Variants in PRPF40B observed in about 807,000 individuals in gnomAD.
The protein encoded by PRPF40B is pre-mRNA processing factor 40B.
A neutral mutation model predicts 124.5 loss-of-function variants in PRPF40B; 56 were observed. The ratio of observed to expected loss-of-function variants is 0.45; its 90% confidence interval spans 0.36 to 0.56. PRPF40B has a LOEUF of 0.56. Ranked by LOEUF, PRPF40B falls within the 20% of genes least tolerant of loss-of-function variation. PRPF40B has a pLI of 0.00. For missense variants in PRPF40B, 1,053 were observed against 1,169.5 expected (o/e 0.90, Z 1.45); for synonymous variants, 443 against 426.4 (o/e 1.04, Z -0.48).
chr12:49,641,912 G>A lies in PRPF40B; in HGVS notation c.1772G>A (p.Arg591Gln), dbSNP rs115713495. 45 of 1,612,976 alleles carry A rather than the reference G, an allele frequency of 2.8e-5. No individual in the cohort carries two copies. The highest frequency in any genetic ancestry group is 1.8e-4 in the Middle Eastern group (1 of 5,426). Residue 591 changes from arginine to glutamine, a missense_variant, in exon 19 of 26, where the codon CGG (arginine) becomes CAG (glutamine). This residue lies in a region of PRPF40B where 895 missense variants were observed against 1,052.2 expected (regional missense o/e 0.85). Transcript: ENST00000548825. ...KKIIKDILKD[R>Q]GFCVEVNTAF... ...CATGCACTGCTGTACCCACAGGACC[G>A]GGGCTTCTGCGTGGAGGTGAACACG... is the stretch of plus-strand genomic sequence containing the variant.
Position 49,631,340 on chromosome 12 carries a change from C to T in PRPF40B, c.85-61C>T. 1.6e-6 allele frequency: 2 copies of T among 1,286,150 alleles called. No individual in the cohort carries two copies. Among genetic ancestry groups the T allele is most frequent in the South Asian group, 1.7e-5 (1 of 59,138 alleles). 79.7% of individuals were successfully genotyped at this position (1,286,150 alleles called of 1,614,324 possible). ...TGGTGGATATTTCCTGACAGGTCCT[C>T]TCTACCTCTGACAAGGCGATGTCTT... On this transcript the variant is annotated intron_variant, in intron 2 of 25. Transcript: ENST00000548825. This position sits in a 1 kb window ranked among gnomAD's most constrained non-coding sequence, Gnocchi z 4.3.
Position 49,642,237 on chromosome 12 carries a change from G to A in PRPF40B, c.1887G>A (p.Leu629=), listed in dbSNP as rs762317876. The change falls in exon 20 of 26, where the codon CTG becomes CTA. Residue 629 remains leucine, a splice_region_variant and synonymous_variant. Coordinates refer to ENST00000548825, the MANE Select transcript of PRPF40B (RefSeq NM_001031698.3). This position sits in a 1 kb window ranked among gnomAD's most constrained non-coding sequence, Gnocchi z 5.8. The part of the protein sequence containing the change: ...AGNIKLTFNS[L]LEKAEARERE... ...TTCCGTGTCCCTTCTTTCCTCAGCT[G>A]CTGGAGAAAGCAGAGGCACGGGAGA... is the stretch of plus-strand genomic sequence containing the variant. The A allele has an allele frequency of 6.2e-7, 1 of 1,614,154 alleles. No homozygotes were observed. The highest frequency in any genetic ancestry group is 2.2e-5 in the East Asian group (1 of 44,880).
upstream of PRPF40B, chr12:49,623,437 T>A: frequency 1.3e-6 from 1 of 754,916 alleles, no homozygotes; most frequent in Non-Finnish European, 1.8e-6. Context: ...CCGGGCCGGT[T>A]GGGGCCCCGC....
At chr12:49,636,414 T>G in intron 15 of PRPF40B, 1 of 448,280 alleles carries the variant, frequency 2.2e-6, no homozygotes, top group Non-Finnish European at 4.0e-6. Flanking sequence ...GCCTGATTGA[T>G]TCCCAGTTCC....
rs369038774 is a variant in PRPF40B at position 49,631,843 on chromosome 12, C to G, written c.229-17C>G. 42 of 1,612,600 alleles carry G rather than the reference C, an allele frequency of 2.6e-5. No individual in the cohort carries two copies. Among genetic ancestry groups the G allele is most frequent in the Non-Finnish European group, 3.5e-5 (41 of 1,178,870 alleles). On this transcript the variant is annotated splice_polypyrimidine_tract_variant and intron_variant, in intron 3 of 25. Transcript: ENST00000548825. The surrounding 1 kb of genome is among the most constrained non-coding windows in gnomAD (Gnocchi z 4.3). ...CCTTACCTTGGTGGTTGGTTTCTGTCTTCTTTGTATCCATAGATACCAGGA... is the reference window on the plus strand; with the variant it reads ...CCTTACCTTGGTGGTTGGTTTCTGTGTTCTTTGTATCCATAGATACCAGGA...
At position 49,637,236 on chromosome 12, in the gene PRPF40B, C is replaced by T. The variant is rs878880900; in HGVS notation, c.1561-234C>T. On this transcript the variant is annotated intron_variant, in intron 16 of 25. Transcript: ENST00000548825. Reference sequence around the variant, plus strand: ...GGCAGGTTTCTGTTTCTTTGCATCCCGGGACTGGCTTGTTCTCACCTTTTT... The same window carrying T: ...GGCAGGTTTCTGTTTCTTTGCATCCTGGGACTGGCTTGTTCTCACCTTTTT... The T allele has an allele frequency of 2.4e-5, 14 of 577,126 alleles. No individual in the cohort carries two copies. In the East Asian group the frequency reaches 2.6e-4, roughly 11 times the overall value. 35.8% of individuals were successfully genotyped at this position (577,126 alleles called of 1,614,324 possible). A position where few individuals can be genotyped will look rare whatever the true frequency, so the allele number is the denominator to read the frequency against.
rs1941177949 is a variant in PRPF40B, at chr12:49,631,081, C to T, written c.85-320C>T. ...CCTTCTGCCCCTTCATCTGAGAGGC[C>T]TCTTTGGGGGAGAATTGCTGAAGAG... On this transcript the variant is annotated intron_variant, in intron 2 of 25. Coordinates refer to ENST00000548825, the MANE Select transcript of PRPF40B (RefSeq NM_001031698.3). The surrounding 1 kb of genome is among the most constrained non-coding windows in gnomAD (Gnocchi z 4.3). Among the ~76,000 whole-genome samples, 1 of 152,144 alleles carries T rather than the reference C, an allele frequency of 6.6e-6. No individual in the cohort carries two copies. Among genetic ancestry groups the T allele is most frequent in the Non-Finnish European group, 1.5e-5 (1 of 68,030 alleles).
At chr12:49,643,185 G>T (rs773059866) in intron 22 of PRPF40B, 38 bp from the exon 23 acceptor site, 1 of 1,610,968 alleles carries the variant, frequency 6.2e-7, no homozygotes, top group South Asian at 1.1e-5. Flanking sequence ...GGAGGGCAGA[G>T]AACCTCTGCA....
At chr12:49,633,334 C>G in intron 7 of PRPF40B, 93 bp from the exon 8 acceptor site, 1 of 1,540,202 alleles carries the variant, frequency 6.5e-7, no homozygotes, top group Non-Finnish European at 8.8e-7. Context: ...CTAAAGGTTC[C>G]TGTGTCCTCT....
intron 23 of PRPF40B, 32 bp downstream of exon 23, chr12:49,643,429 GA>G: frequency 6.5e-7 from 1 of 1,530,850 alleles, no homozygotes; most frequent in Non-Finnish European, 8.8e-7. Context: ...AGAAGCTGGA[GA>G]ACTGTTGTCC....
At position 49,635,965 on chromosome 12, in the gene PRPF40B, C is replaced by T. The variant is rs372140291; in HGVS notation, c.1398C>T (p.Pro466=). ...CCCAGCAGTACCTCATGGATAACCC[C>T]AGCTTTGCTCAGGACCATCAGCTGC... ...SQAQQYLMDN[P]SFAQDHQLQN... Residue 466 remains proline, a synonymous_variant, in exon 15 of 26, where the codon CCC becomes CCT. Transcript: ENST00000548825. The surrounding 1 kb of genome is among the most constrained non-coding windows in gnomAD (Gnocchi z 4.1). 9 of 1,614,140 alleles carry T rather than the reference C, an allele frequency of 5.6e-6. No individual in the cohort carries two copies. Among genetic ancestry groups the T allele is most frequent in the Non-Finnish European group, 7.6e-6 (9 of 1,180,000 alleles).
At position 49,631,667 on chromosome 12, in the gene PRPF40B, G is replaced by A. The variant is rs1010385935; in HGVS notation, c.228+123G>A. ...GAAGGGAGCTTTGGGCCAAACCCAT[G>A]TGGATTTGTCTGCTGAATGACTGAG... On this transcript the variant is annotated intron_variant, in intron 3 of 25. Coordinates refer to ENST00000548825, the MANE Select transcript of PRPF40B (RefSeq NM_001031698.3). The surrounding 1 kb of genome is among the most constrained non-coding windows in gnomAD (Gnocchi z 4.3). 3.0e-6 allele frequency: 4 copies of A among 1,348,440 alleles called. No homozygotes were observed. The highest frequency in any genetic ancestry group is 4.2e-6 in the Non-Finnish European group (4 of 962,282). 83.5% of individuals were successfully genotyped at this position (1,348,440 alleles called of 1,614,324 possible).
Position 49,637,601 on chromosome 12 carries a change from C to T in PRPF40B, c.1675+17C>T, listed in dbSNP as rs1203403568. 3 of 1,607,158 alleles carry T rather than the reference C, an allele frequency of 1.9e-6. No individual in the cohort carries two copies. The highest frequency in any genetic ancestry group is 4.5e-5 in the East Asian group (2 of 44,866). ...GCCAGCCGGGTAAGGCAGCCAGGCT[C>T]CCCCTTCTCTGGCCTGGCTTCCTGC... is the stretch of plus-strand genomic sequence containing the variant. On this transcript the variant is annotated intron_variant, in intron 17 of 25. Transcript: ENST00000548825.
At chr12:49,632,429 C>T in intron 4 of PRPF40B, 167 bp from the exon 5 acceptor site, 2 of 716,874 alleles carry the variant, frequency 2.8e-6, no homozygotes, top group Non-Finnish European at 2.4e-6. Flanking sequence ...CCCTTGGGAT[C>T]CCAGAGCTAT....
chr12:49,643,354 C>A lies in PRPF40B; in HGVS notation c.2337C>A (p.Ala779=). Residue 779 remains alanine, a synonymous_variant, in exon 23 of 26, where the codon GCC becomes GCA. Coordinates refer to ENST00000548825, the MANE Select transcript of PRPF40B (RefSeq NM_001031698.3). ...SLDSVESGGA[A]LGGRGSPSSH... is the part of the protein sequence containing the mutation. ...ATTCAGTTGAAAGTGGGGGTGCTGC[C>A]CTTGGAGGACGGGGCTCCCCTTCCT... The A allele has an allele frequency of 6.3e-7, 1 of 1,594,540 alleles. No homozygotes were observed. Among genetic ancestry groups the A allele is most frequent in the Non-Finnish European group, 8.5e-7 (1 of 1,170,740 alleles).
upstream of PRPF40B, chr12:49,623,429 G>A (rs1481755082): frequency 2.0e-4 from 117 of 598,172 alleles, no homozygotes; most frequent in African/African-American, 3.9e-5. Context: ...CGAACACACC[G>A]GGCCGGTTGG....
intron 15 of PRPF40B, 30 bp from the exon 16 acceptor site, chr12:49,636,675 CTGCTGGGACAA>C (rs748093490): frequency 6.8e-6 from 11 of 1,611,598 alleles, no homozygotes; most frequent in Non-Finnish European, 8.5e-6. Context: ...AGAGGGTATC[CTGCTGGGACAA>C]TGCCCGCGGA....
chr12:49,632,997 C>CGGGG lies in PRPF40B; in HGVS notation c.349-17_349-16insGGGG. ...AAGGGGCCTTGACCACCATTCTGTG[C>CGGGG]CCCCCCCCCCACCCAGAGGGCCCTA... On this transcript the variant is annotated splice_polypyrimidine_tract_variant and intron_variant, in intron 6 of 25. Coordinates refer to ENST00000548825, the MANE Select transcript of PRPF40B (RefSeq NM_001031698.3). 1 of 230,088 alleles carries CGGGG rather than the reference C, an allele frequency of 4.3e-6. No homozygotes were observed. Among genetic ancestry groups the CGGGG allele is most frequent in the Non-Finnish European group, 7.7e-6 (1 of 129,272 alleles). The allele number at this position is 230,088 out of a possible 1,614,324, so 14.3% of individuals were successfully genotyped here.
intron 1 of PRPF40B, 160 bp downstream of exon 1, chr12:49,623,753 G>C: frequency 1.5e-6 from 1 of 664,506 alleles, no homozygotes; most frequent in Non-Finnish European, 1.9e-6. Context: ...CGGGAGGGGG[G>C]ATGGGGGCGG....
Sources: allele counts gnomAD v4.1 joint callset (sites outside exome capture counted in the v4.1 genomes callset), GRCh38; gene constraint gnomAD v4.1.1; regional missense constraint gnomAD v4.1.1; non-coding constraint Gnocchi (gnomAD v3.1); transcripts MANE v1.5; gene names NCBI Gene and HGNC (gene_info 2026-07-23, HGNC 2026-07-21).